AKAP14: variants seen among roughly 807,000 people sequenced by gnomAD.
AKAP14 encodes A-kinase anchoring protein 14, also known as A-kinase anchor protein 14.
In AKAP14, 4 loss-of-function variants were observed where a neutral mutation model predicts 17.0. The observed-to-expected ratio is 0.23, with a 90% CI of 0.12 to 0.54. AKAP14 has a LOEUF of 0.54. Among genes scored for constraint, AKAP14 ranks in the 20% least tolerant of loss-of-function variants. The pLI is 0.95. For synonymous variants in AKAP14, 42 were observed against 51.3 expected (o/e 0.82, Z 0.77); for missense variants, 129 against 150.9 (o/e 0.85, Z 0.76).
intron 5 of AKAP14, among the ~76,000 whole-genome samples, chrX:119,915,535 C>T (rs764924666): frequency 4.5e-5 from 5 of 111,183 alleles, no homozygotes; most frequent in African/African-American, 1.6e-4. Context: ...GACAGAGTTT[C>T]ACTCTTATTG....
intron 2 of AKAP14, among the ~76,000 whole-genome samples, chrX:119,899,915 A>G (rs1359977557): frequency 8.9e-6 from 1 of 111,733 alleles, no homozygotes; most frequent in Non-Finnish European, 1.9e-5. Context: ...ACTCAATGGA[A>G]GGATTGCTTG....
At chrX:119,898,404 G>A (rs1603376928) in intron 2 of AKAP14, among the ~76,000 whole-genome samples, 1 of 112,529 alleles carries the variant, frequency 8.9e-6, no homozygotes, top group Non-Finnish European at 1.9e-5. Context: ...GGCTGTCCCA[G>A]TGGTTCTTGA....
chrX:119,918,240 G>T (rs1199368892), intron 5 of AKAP14, among the ~76,000 whole-genome samples: 2 of 107,467 alleles, frequency 1.9e-5, no homozygotes, highest in Non-Finnish European at 1.9e-5. Flanking sequence ...GTTTTGTTTT[G>T]TTTTTTTTTT....
chrX:119,897,627 C>A (rs781360026), intron 2 of AKAP14, among the ~76,000 whole-genome samples: 33 of 112,119 alleles, frequency 2.9e-4, no homozygotes, highest in Non-Finnish European at 5.3e-4. Flanking sequence ...TAGGGAGAGC[C>A]AGTTCTCTAG....
intron 4 of AKAP14, among the ~76,000 whole-genome samples, chrX:119,910,580 C>A (rs1421355996): frequency 9.0e-6 from 1 of 110,969 alleles, no homozygotes; most frequent in Non-Finnish European, 1.9e-5. Context: ...CCTTTGTATC[C>A]CCCTTTCTCC....
intron 5 of AKAP14, among the ~76,000 whole-genome samples, chrX:119,916,317 G>A (rs2056656360): frequency 1.8e-5 from 2 of 109,413 alleles, no homozygotes; most frequent in Non-Finnish European, 3.8e-5. Flanking sequence ...GACTACAGGT[G>A]CACACCACCA....
At position 119,903,480 on chromosome X, in the gene AKAP14, A is replaced by G. The variant is rs1262050636; in HGVS notation, c.170-15A>G. 4.1e-6 allele frequency: 5 copies of G among 1,209,916 alleles called. No homozygotes were observed. The Admixed American group carries it at 6.6e-5, about 16-fold the overall frequency. On this transcript the variant is annotated splice_polypyrimidine_tract_variant and intron_variant, in intron 3 of 6. Coordinates refer to ENST00000371431, the MANE Select transcript of AKAP14 (RefSeq NM_178813.6). Reference sequence around the variant, plus strand: ...ACTACCTGGCAACTAACGAACTCACACCTTTTTTTTGCAGAGGAGCGAAAC... The same window carrying G: ...ACTACCTGGCAACTAACGAACTCACGCCTTTTTTTTGCAGAGGAGCGAAAC...
At chrX:119,897,686 G>C (rs1307373234) in intron 2 of AKAP14, among the ~76,000 whole-genome samples, 1 of 112,010 alleles carries the variant, frequency 8.9e-6, no homozygotes, top group Non-Finnish European at 1.9e-5. Flanking sequence ...GCCTCTGGCT[G>C]CTCTGGAGTG....
At chrX:119,915,988 C>T (rs891553467) in intron 5 of AKAP14, among the ~76,000 whole-genome samples, 4 of 104,136 alleles carry the variant, frequency 3.8e-5, no homozygotes, top group Non-Finnish European at 7.9e-5. Flanking sequence ...TTTTCTTTTT[C>T]TTTTTTTTTT....
At chrX:119,911,090 C>T (rs1235064206) in intron 4 of AKAP14, among the ~76,000 whole-genome samples, 2 of 107,852 alleles carry the variant, frequency 1.9e-5, no homozygotes, top group Admixed American at 1.0e-4. Flanking sequence ...TGGTGGCTCA[C>T]GCCTGTAATC....
chrX:119,901,394 C>T (rs761090150), intron 2 of AKAP14, among the ~76,000 whole-genome samples: 7 of 111,614 alleles, frequency 6.3e-5, no homozygotes, highest in Non-Finnish European at 1.3e-4. Context: ...TGCTGTAATG[C>T]CTCTACTCAT....
chrX:119,898,672 C>T (rs1429814373), intron 2 of AKAP14, among the ~76,000 whole-genome samples: 1 of 109,222 alleles, frequency 9.2e-6, no homozygotes, highest in East Asian at 2.9e-4. Flanking sequence ...TGGCGGACAC[C>T]TGTAATCCCA....
intron 5 of AKAP14, 128 bp downstream of exon 5, chrX:119,915,006 A>G (rs1339386283): frequency 5.8e-6 from 4 of 692,345 alleles, no homozygotes; most frequent in Non-Finnish European, 8.5e-6. Flanking sequence ...TTACTGGCCT[A>G]TGCACGGCAC....
At chrX:119,910,732 G>A (rs1417571064) in intron 4 of AKAP14, among the ~76,000 whole-genome samples, 3 of 110,583 alleles carry the variant, frequency 2.7e-5, no homozygotes, top group Non-Finnish European at 5.7e-5. Flanking sequence ...GCGCAATCTC[G>A]TCTCACCACA....
chrX:119,898,577 C>T (rs1245056047), intron 2 of AKAP14, among the ~76,000 whole-genome samples: 3 of 108,592 alleles, frequency 2.8e-5, no homozygotes, highest in African/African-American at 1.0e-4. Context: ...AGGTGTATCA[C>T]CTGAGGTCAG....
chrX:119,897,418 C>G (rs1055230559), intron 2 of AKAP14, among the ~76,000 whole-genome samples: 1 of 111,240 alleles, frequency 9.0e-6, no homozygotes, highest in Non-Finnish European at 1.9e-5. Context: ...CTTGGCCTCC[C>G]AAAGTGCTGG....
At chrX:119,919,177 G>T (rs751757946) in intron 5 of AKAP14, among the ~76,000 whole-genome samples, 2 of 111,646 alleles carry the variant, frequency 1.8e-5, no homozygotes, top group South Asian at 7.6e-4. Flanking sequence ...TTGGAGGCGA[G>T]GATGGGAGGG....
At chrX:119,906,520 A>G (rs1251885423) in intron 4 of AKAP14, among the ~76,000 whole-genome samples, 4 of 101,016 alleles carry the variant, frequency 4.0e-5, no homozygotes, top group African/African-American at 1.6e-4. Context: ...GGCGTGAGCC[A>G]TCGCGCCCGG....
At chrX:119,906,297 T>C (rs1321868619) in intron 4 of AKAP14, among the ~76,000 whole-genome samples, 1 of 90,481 alleles carries the variant, frequency 1.1e-5, no homozygotes, top group Non-Finnish European at 2.1e-5. Flanking sequence ...TGCAGTGGCG[T>C]GATCTTGGCT....
Sources: gnomAD v4.1 joint callset for allele counts (sites outside exome capture counted in the v4.1 genomes callset) on GRCh38, gnomAD v4.1.1 for gene constraint, MANE v1.5 for transcripts, NCBI Gene and HGNC (gene_info 2026-07-23, HGNC 2026-07-21) for gene names.